The following ABCC1 variants were observed in gnomAD, a reference collection of about 807,000 sequenced individuals.
The protein encoded by ABCC1 is ATP binding cassette subfamily C member 1 (ABCC1 blood group), also known as multidrug resistance-associated protein 1.
A neutral mutation model predicts 172.9 loss-of-function variants in ABCC1; 83 were observed. That is an observed-to-expected ratio of 0.48 (90% CI 0.40 to 0.58). ABCC1 has a LOEUF of 0.58. ABCC1 is among the 20% of genes least tolerant of loss of function. ABCC1 has a pLI of 0.00. For synonymous variants in ABCC1, 937 were observed against 825.2 expected, an observed-to-expected ratio of 1.14 and a Z score of -2.32; for missense variants, 1,817 against 2,002.7, an observed-to-expected ratio of 0.91 and a Z score of 1.77.
chr16:16,014,984 G>A (rs2047941143), intron 4 of ABCC1, among the ~76,000 whole-genome samples: 1 of 152,174 alleles, frequency 6.6e-6, no homozygotes, highest in Non-Finnish European at 1.5e-5. Flanking sequence ...AGCCGAGCCG[G>A]GAACGGTGTT....
At chr16:15,952,325 G>A (rs1480193009) in intron 1 of ABCC1, among the ~76,000 whole-genome samples, 1 of 152,120 alleles carries the variant, frequency 6.6e-6, no homozygotes, top group Non-Finnish European at 1.5e-5. Flanking sequence ...AGATGGGATT[G>A]GGCTGTGAAA....
At chr16:16,068,702 T>G (rs2050208344) in intron 13 of ABCC1, among the ~76,000 whole-genome samples, 1 of 152,046 alleles carries the variant, frequency 6.6e-6, no homozygotes, top group African/African-American at 2.4e-5. Flanking sequence ...ACCCCAACCT[T>G]ACAGCCGGGC....
At position 16,136,602 on chromosome 16, in the gene ABCC1, A is replaced by T; in HGVS notation, c.4250A>T (p.Asp1417Val). 1 of 1,614,072 alleles carries T rather than the reference A, an allele frequency of 6.2e-7. No individual in the cohort carries two copies. Among genetic ancestry groups the T allele is most frequent in the Non-Finnish European group, 8.5e-7 (1 of 1,180,008 alleles). ...HLKDFVSALP[D>V]KLDHECAEGG... is the part of the protein sequence containing the mutation. ...AAGGACTTCGTGTCAGCCCTTCCTG[A>T]CAAGCTAGACCATGAATGTGCAGAA... Residue 1417 changes from aspartate to valine, a missense_variant, in exon 29 of 31, where the codon GAC becomes GTC. This residue lies in a region of ABCC1 where 1,412 missense variants were observed against 1,600.3 expected (regional missense o/e 0.88). Coordinates refer to ENST00000399410, the MANE Select transcript of ABCC1 (RefSeq NM_004996.4).
chr16:16,046,431 G>A (rs1010429286), intron 9 of ABCC1, among the ~76,000 whole-genome samples: 1 of 151,784 alleles, frequency 6.6e-6, no homozygotes, highest in Non-Finnish European at 1.5e-5. Flanking sequence ...TGCAACTTCT[G>A]CCTCCTGAGT....
intron 12 of ABCC1, among the ~76,000 whole-genome samples, chr16:16,063,847 G>C (rs2050012067): frequency 6.6e-6 from 1 of 152,128 alleles, no homozygotes; most frequent in African/African-American, 2.4e-5. Context: ...CAAAGCTATG[G>C]GATTGAGTCT....
At chr16:16,019,083 TTTTG>T (rs992833388) in intron 5 of ABCC1, among the ~76,000 whole-genome samples, 5 of 152,134 alleles carry the variant, frequency 3.3e-5, no homozygotes, top group African/African-American at 1.2e-4. Flanking sequence ...CTTTTTTGTC[TTTTG>T]TTTGTTGTTT....
chr16:16,105,668 G>A (rs998026122), intron 20 of ABCC1, among the ~76,000 whole-genome samples: 3 of 151,796 alleles, frequency 2.0e-5, no homozygotes, highest in African/African-American at 4.8e-5. Flanking sequence ...GCAGTGAGCC[G>A]CAGCTGTGTT....
intron 7 of ABCC1, among the ~76,000 whole-genome samples, chr16:16,042,158 TG>T (rs1419723450): frequency 4.0e-5 from 6 of 148,674 alleles, no homozygotes; most frequent in Non-Finnish European, 5.9e-5. Context: ...TCTGTGACTC[TG>T]GAAGAGTTTG....
At chr16:16,030,023 C>T (rs911934023) in intron 5 of ABCC1, among the ~76,000 whole-genome samples, 3 of 152,038 alleles carry the variant, frequency 2.0e-5, no homozygotes, top group Non-Finnish European at 4.4e-5. Flanking sequence ...TTTCTTTGAT[C>T]ACTGATCACT....
intron 28 of ABCC1, 124 bp downstream of exon 28, chr16:16,134,632 T>A: frequency 2.2e-6 from 2 of 900,652 alleles, no homozygotes; most frequent in East Asian, 3.6e-5. Flanking sequence ...GTTCTTTTTT[T>A]TTTTTTTTTT....
In ABCC1 at chr16:16,087,007, G is replaced by T; in HGVS notation, c.2460+16G>T. 6.2e-7 allele frequency: 1 copy of T among 1,613,850 alleles called. No individual in the cohort carries two copies. The highest frequency in any genetic ancestry group is 8.5e-7 in the Non-Finnish European group (1 of 1,179,920). ...GAAGAACAAGGTGCCTGCTGGCGGG[G>T]TGGGGCTTGGTGTTGGGCCGTCTCG... On this transcript the variant is annotated intron_variant, in intron 18 of 30. Coordinates refer to ENST00000399410, the MANE Select transcript of ABCC1 (RefSeq NM_004996.4).
chr16:16,137,624 C>G (rs1346548840), intron 29 of ABCC1, among the ~76,000 whole-genome samples: 2 of 124,286 alleles, frequency 1.6e-5, no homozygotes, highest in African/African-American at 3.0e-5. Context: ...GTGGCGCAAT[C>G]TCATCTGCAA....
chr16:16,083,751 G>A (rs1393067789), intron 17 of ABCC1, among the ~76,000 whole-genome samples: 1 of 152,092 alleles, frequency 6.6e-6, no homozygotes, highest in Non-Finnish European at 1.5e-5. Context: ...TTTTGCTGGG[G>A]ACCGGGGTGA....
chr16:16,106,663 C>A lies in ABCC1; in HGVS notation c.2736-75C>A, dbSNP rs1420794030. ...ATGCCATGGTTCAGACCCACAATAG[C>A]AGTCCCAGCAGGGAGCCCTCCGACC... On this transcript the variant is annotated intron_variant, in intron 20 of 30. Transcript: ENST00000399410. 19 of 1,584,362 alleles carry A rather than the reference C, an allele frequency of 1.2e-5. No individual in the cohort carries two copies. In the South Asian group the frequency reaches 2.1e-4, roughly 18 times the overall value.
chr16:15,951,414 CT>C (rs994762164), intron 1 of ABCC1, among the ~76,000 whole-genome samples: 6 of 151,894 alleles, frequency 4.0e-5, no homozygotes, highest in Admixed American at 3.9e-4. Flanking sequence ...TTTCTTTTTT[CT>C]TTTTATTTTT....
At chr16:16,006,927 G>C (rs1427952138) in intron 1 of ABCC1, among the ~76,000 whole-genome samples, 1 of 151,582 alleles carries the variant, frequency 6.6e-6, no homozygotes, top group East Asian at 1.9e-4. Context: ...GGTGGTGATG[G>C]TGGTGATGGT....
At position 16,141,486 on chromosome 16, in the gene ABCC1, G is replaced by C; in HGVS notation, c.*205G>C. 1 of 579,228 alleles carries C rather than the reference G, an allele frequency of 1.7e-6. No homozygotes were observed. The highest frequency in any genetic ancestry group is 3.1e-6 in the Non-Finnish European group (1 of 325,794). The allele number at this position is 579,228 out of a possible 1,614,324, so 35.9% of individuals were successfully genotyped here. A position where few individuals can be genotyped will look rare whatever the true frequency, so the allele number is the denominator to read the frequency against. On this transcript the variant is annotated 3_prime_UTR_variant, in exon 31 of 31. Coordinates refer to ENST00000399410, the MANE Select transcript of ABCC1 (RefSeq NM_004996.4). The stretch of plus-strand genomic sequence containing the variant: ...TGGCTGTGAAGACCCAGGAGAGACA[G>C]AGATGCGAACCACCCAAAACACGCA...
intron 6 of ABCC1, among the ~76,000 whole-genome samples, chr16:16,033,732 T>G (rs1459073990): frequency 1.3e-5 from 2 of 152,130 alleles, no homozygotes; most frequent in Non-Finnish European, 2.9e-5. Context: ...CAAGCGATTC[T>G]CCTGCCTCAG....
intron 4 of ABCC1, among the ~76,000 whole-genome samples, chr16:16,014,888 G>T (rs1767797784): frequency 2.0e-5 from 3 of 152,208 alleles, no homozygotes; most frequent in African/African-American, 4.8e-5. Flanking sequence ...ACCTCCAAGG[G>T]CAGGAGCTGT....
Sources: allele counts gnomAD v4.1 joint callset (sites outside exome capture counted in the v4.1 genomes callset), GRCh38; gene constraint gnomAD v4.1.1; regional missense constraint gnomAD v4.1.1; transcripts MANE v1.5; gene names NCBI Gene and HGNC (gene_info 2026-07-23, HGNC 2026-07-21).